Variants in GPC5 observed in about 807,000 individuals in gnomAD.
The protein encoded by GPC5 is glypican 5, also known as glypican-5.
In GPC5, 47 loss-of-function variants were observed where a neutral mutation model predicts 53.9. That is an observed-to-expected ratio of 0.87 (90% confidence interval 0.69 to 1.11). GPC5 has a LOEUF of 1.11. GPC5 is among the 50% of genes most tolerant of loss of function. The pLI, the probability that GPC5 is intolerant of heterozygous loss-of-function variation, is 0.00. For missense variants in GPC5, 748 were observed against 713.1 expected (o/e 1.05, Z -0.56); for synonymous variants, 286 against 263.3 (o/e 1.09, Z -0.84).
intron 1 of GPC5, among the ~76,000 whole-genome samples, chr13:91,412,769 G>A (rs2138948631): frequency 6.6e-6 from 1 of 152,330 alleles, no homozygotes; most frequent in Non-Finnish European, 1.5e-5. Context: ...GATAAAGACT[G>A]TCTCTGCCTT....
At chr13:91,737,280 TG>T (rs2036836918) in intron 4 of GPC5, among the ~76,000 whole-genome samples, 1 of 151,454 alleles carries the variant, frequency 6.6e-6, no homozygotes, top group Non-Finnish European at 1.5e-5. Context: ...TAGGCTGGTC[TG>T]TTGAGGCCTA....
chr13:91,757,518 C>G (rs562822079), intron 5 of GPC5, among the ~76,000 whole-genome samples: 1 of 152,004 alleles, frequency 6.6e-6, no homozygotes. Flanking sequence ...ATGGTTTCCC[C>G]GATCCTGTTC....
At chr13:91,824,144 C>G (rs2038538694) in intron 5 of GPC5, among the ~76,000 whole-genome samples, 1 of 151,998 alleles carries the variant, frequency 6.6e-6, no homozygotes, top group South Asian at 2.1e-4. Context: ...TCATTTCTCT[C>G]AATGCATAAG....
chr13:92,144,815 T>A lies in GPC5; in HGVS notation c.1402-15T>A, dbSNP rs2041854679. On this transcript the variant is annotated splice_polypyrimidine_tract_variant and intron_variant, in intron 6 of 7. Transcript: ENST00000377067. ...AATTTGCTATTAGTAAAGGCCTTTC[T>A]TTATGTACAATTAGTTGTTACAGGG... is the stretch of plus-strand genomic sequence containing the variant. 2 of 1,604,252 alleles carry A rather than the reference T, an allele frequency of 1.2e-6. No individual in the cohort carries two copies. Among genetic ancestry groups the A allele is most frequent in the East Asian group, 4.6e-5 (2 of 43,854 alleles).
chr13:92,846,656 A>G (rs903818165), intron 7 of GPC5, among the ~76,000 whole-genome samples: 4 of 151,044 alleles, frequency 2.6e-5, no homozygotes, highest in Non-Finnish European at 2.9e-5. Flanking sequence ...GAGTGAAATG[A>G]GAGAGTTTTA....
At chr13:91,432,205 G>GCTGCTGCTGCTGC (rs140790450) in intron 1 of GPC5, among the ~76,000 whole-genome samples, 1 of 119,554 alleles carries the variant, frequency 8.4e-6, no homozygotes, top group African/African-American at 3.4e-5. Context: ...TGCTGCTGCT[G>GCTGCTGCTGCTGC]TGTGTGTGTG....
intron 7 of GPC5, among the ~76,000 whole-genome samples, chr13:92,570,686 A>T (rs1882995793): frequency 6.6e-6 from 1 of 152,204 alleles, no homozygotes; most frequent in Admixed American, 6.6e-5. Context: ...AAAAGTGGAT[A>T]TGGAGGAAAA....
At chr13:91,961,119 T>C (rs957194516) in intron 6 of GPC5, among the ~76,000 whole-genome samples, 13 of 151,736 alleles carry the variant, frequency 8.6e-5, no homozygotes, top group African/African-American at 2.7e-4. Context: ...ACTGTTGAAA[T>C]GAAAAGAAAA....
chr13:92,004,917 C>G (rs568135805), intron 6 of GPC5, among the ~76,000 whole-genome samples: 1 of 152,114 alleles, frequency 6.6e-6, no homozygotes, highest in Non-Finnish European at 1.5e-5. Flanking sequence ...TGAGAATTAT[C>G]GGAGCTGCAA....
At chr13:92,176,400 G>A (rs898320656) in intron 7 of GPC5, among the ~76,000 whole-genome samples, 8 of 152,310 alleles carry the variant, frequency 5.3e-5, no homozygotes, top group Non-Finnish European at 1.0e-4. Context: ...CGAGAAGTAA[G>A]TGGTGGTTTG....
chr13:92,387,883 G>T (rs142482387), intron 7 of GPC5, among the ~76,000 whole-genome samples: 2 of 152,090 alleles, frequency 1.3e-5, no homozygotes, highest in Non-Finnish European at 2.9e-5. Context: ...ATGTGAAATA[G>T]TTCCTAGCAG....
chr13:92,796,044 T>C (rs1293166213), intron 7 of GPC5, among the ~76,000 whole-genome samples: 1 of 152,070 alleles, frequency 6.6e-6, no homozygotes, highest in Non-Finnish European at 1.5e-5. Flanking sequence ...ATCATTCTAC[T>C]ATAAAGACAC....
chr13:91,756,465 G>C (rs1189850780), intron 5 of GPC5, 45 bp downstream of exon 5: 2 of 1,487,190 alleles, frequency 1.3e-6, no homozygotes, highest in African/African-American at 2.8e-5. Flanking sequence ...CATCATCCTT[G>C]CTTTCTTTTT....
At chr13:91,691,262 G>T (rs1019885120) in intron 2 of GPC5, among the ~76,000 whole-genome samples, 2 of 152,152 alleles carry the variant, frequency 1.3e-5, no homozygotes, top group Non-Finnish European at 2.9e-5. Flanking sequence ...AACTGGCCAG[G>T]TTAAAAGAAT....
intron 7 of GPC5, among the ~76,000 whole-genome samples, chr13:92,651,372 G>T (rs1365242837): frequency 2.0e-5 from 3 of 152,062 alleles, no homozygotes; most frequent in Non-Finnish European, 4.4e-5. Context: ...GATGAAAATG[G>T]TACTTTTCCA....
At chr13:92,572,005 G>A (rs958314372) in intron 7 of GPC5, among the ~76,000 whole-genome samples, 1 of 152,006 alleles carries the variant, frequency 6.6e-6, no homozygotes, top group African/African-American at 2.4e-5. Context: ...ACTGCACGCC[G>A]GCCTGGACAA....
chr13:91,829,684 G>A (rs886945487), intron 5 of GPC5, among the ~76,000 whole-genome samples: 5 of 152,006 alleles, frequency 3.3e-5, no homozygotes, highest in African/African-American at 9.7e-5. Flanking sequence ...CTAGGCATCA[G>A]CCAGCTTGAG....
At chr13:92,113,883 A>G (rs1056580752) in intron 6 of GPC5, among the ~76,000 whole-genome samples, 3 of 152,186 alleles carry the variant, frequency 2.0e-5, no homozygotes, top group African/African-American at 7.2e-5. Flanking sequence ...CAAGAGAGCA[A>G]GATGGGTTAT....
At chr13:92,053,293 A>C (rs910215226) in intron 6 of GPC5, among the ~76,000 whole-genome samples, 21 of 152,092 alleles carry the variant, frequency 1.4e-4, no homozygotes, top group Admixed American at 1.2e-3. Context: ...AGATTCATAC[A>C]TATCAGTTAT....
Sources: allele counts gnomAD v4.1 joint callset (sites outside exome capture counted in the v4.1 genomes callset), GRCh38; gene constraint gnomAD v4.1.1; transcripts MANE v1.5; gene names NCBI Gene and HGNC (gene_info 2026-07-23, HGNC 2026-07-21).